ZNF420: variants seen among roughly 807,000 people sequenced by gnomAD.
ZNF420 encodes zinc finger protein 420.
ZNF420 carries 31 observed loss-of-function variants against 44.7 expected under a neutral mutation model. That is an observed-to-expected ratio of 0.69 (90% confidence interval 0.52 to 0.94). The LOEUF is 0.94. Among genes scored for constraint, ZNF420 ranks in the 40% least tolerant of loss-of-function variants. The pLI is 0.00. For missense variants in ZNF420, 681 were observed against 827.9 expected, an observed-to-expected ratio of 0.82 and a Z score of 2.18; for synonymous variants, 245 against 267.4, an observed-to-expected ratio of 0.92 and a Z score of 0.82.
At chr19:37,033,640 A>T (rs1967302473) in intron 1 of ZNF420, among the ~76,000 whole-genome samples, 1 of 152,198 alleles carries the variant, frequency 6.6e-6, no homozygotes, top group South Asian at 2.1e-4. Context: ...ATCATGAATG[A>T]TGTTGCTATA....
chr19:37,045,320 T>TA (rs1967524615), intron 1 of ZNF420, among the ~76,000 whole-genome samples: 1 of 152,222 alleles, frequency 6.6e-6, no homozygotes, highest in African/African-American at 2.4e-5. Context: ...GGGAAAAGAA[T>TA]AAAGTGATGA....
At chr19:37,105,208 T>C (rs1160920470) in intron 4 of ZNF420, among the ~76,000 whole-genome samples, 1 of 152,250 alleles carries the variant, frequency 6.6e-6, no homozygotes. Context: ...GTTTCAGCTT[T>C]CTACATATGG....
Position 37,128,675 on chromosome 19 carries a change from A to G in ZNF420, c.1684A>G (p.Lys562Glu). Residue 562 changes from lysine to glutamate, a missense_variant, in exon 5 of 5, where the codon AAG becomes GAG. Around this residue, in one of 3 missense-constraint regions of ZNF420, gnomAD observed 280 missense variants for 338.6 expected, o/e 0.83. Transcript: ENST00000337995. ...TACTGGTGAGAAACCATATCAATGT[A>G]AGGAATGTGGGAAAGCCTTTATTCG... ...IHTGEKPYQC[K>E]ECGKAFIRGS... 6.2e-7 allele frequency: 1 copy of G among 1,614,150 alleles called. No individual in the cohort carries two copies. Among genetic ancestry groups the G allele is most frequent in the Non-Finnish European group, 8.5e-7 (1 of 1,179,992 alleles).
chr19:37,044,175 C>T (rs1333090302), intron 1 of ZNF420, among the ~76,000 whole-genome samples: 2 of 152,208 alleles, frequency 1.3e-5, no homozygotes, highest in Non-Finnish European at 2.9e-5. Context: ...TCTGCCACTT[C>T]TGACCTGGAG....
At chr19:37,015,872 C>G (rs947471128) in intron 1 of ZNF420, among the ~76,000 whole-genome samples, 1 of 152,222 alleles carries the variant, frequency 6.6e-6, no homozygotes, top group Non-Finnish European at 1.5e-5. Context: ...ATGGATTGAT[C>G]CTGCGCGGGC....
At chr19:37,123,597 G>GTTTT (rs1285859472) in intron 4 of ZNF420, among the ~76,000 whole-genome samples, 2 of 76,980 alleles carry the variant, frequency 2.6e-5, no homozygotes, top group South Asian at 3.6e-4. Context: ...TTTTACTCTT[G>GTTTT]TCTTTTTTTT....
intron 4 of ZNF420, among the ~76,000 whole-genome samples, chr19:37,105,925 T>A (rs934457893): frequency 2.6e-5 from 4 of 152,198 alleles, no homozygotes; most frequent in Admixed American, 2.0e-4. Context: ...CTTAAGGAGA[T>A]TTCGGGCAGA....
intron 1 of ZNF420, among the ~76,000 whole-genome samples, chr19:37,079,828 C>T (rs1404194524): frequency 6.6e-6 from 1 of 151,914 alleles, no homozygotes; most frequent in South Asian, 2.1e-4. Context: ...ACCATGACCT[C>T]TACTAAAAAT....
At chr19:37,126,013 C>T (rs73620816) in intron 4 of ZNF420, among the ~76,000 whole-genome samples, 2,937 of 152,290 alleles carry the variant, frequency 0.019, 79 homozygotes, top group East Asian at 0.05. Flanking sequence ...TTTCTAGAAT[C>T]ATAAGACTTC....
chr19:37,033,171 AAG>A (rs1967293840), intron 1 of ZNF420, among the ~76,000 whole-genome samples: 2 of 152,272 alleles, frequency 1.3e-5, no homozygotes, highest in African/African-American at 4.8e-5. Flanking sequence ...AATTTTGAAA[AAG>A]CTTTAATTTT....
intron 4 of ZNF420, among the ~76,000 whole-genome samples, chr19:37,100,451 A>C (rs1969704350): frequency 6.6e-6 from 1 of 152,072 alleles, no homozygotes; most frequent in Admixed American, 6.6e-5. Context: ...AGTGGCTCAC[A>C]CCTGTAATCC....
At chr19:37,024,569 CCT>C (rs767626279) in intron 1 of ZNF420, among the ~76,000 whole-genome samples, 87 of 152,200 alleles carry the variant, frequency 5.7e-4, no homozygotes, top group Non-Finnish European at 9.9e-4. Flanking sequence ...CCTGCCTCAG[CCT>C]CTCGAGTAGC....
intron 1 of ZNF420, among the ~76,000 whole-genome samples, chr19:37,049,345 G>T (rs1967597854): frequency 6.6e-6 from 1 of 152,122 alleles, no homozygotes; most frequent in African/African-American, 2.4e-5. Context: ...GTGTAAAAGT[G>T]TTCCTATTTC....
In ZNF420 at chr19:37,008,687, G is replaced by A. The variant is rs540602982; in HGVS notation, c.-125+605G>A. Among the ~76,000 whole-genome samples, 285 of 152,314 alleles carry A rather than the reference G, an allele frequency of 1.9e-3. 1 individual carries two copies. The highest frequency in any genetic ancestry group is 3.4e-3 in the Non-Finnish European group (233 of 68,032). ...AAGGATCCCTGTCACTGGAACACTG[G>A]CCTTTCTGGACAAGTCACCCGTTTG... is the stretch of plus-strand genomic sequence containing the variant. On this transcript the variant is annotated intron_variant, in intron 1 of 4. Transcript: ENST00000587029.
chr19:37,061,252 G>T (rs1967874996), intron 1 of ZNF420, among the ~76,000 whole-genome samples: 2 of 152,152 alleles, frequency 1.3e-5, no homozygotes, highest in African/African-American at 4.8e-5. Flanking sequence ...GTTTGCACGT[G>T]TCCTGCACTT....
chr19:37,119,156 A>G (rs1237516546), intron 4 of ZNF420, among the ~76,000 whole-genome samples: 1 of 151,858 alleles, frequency 6.6e-6, no homozygotes, highest in African/African-American at 2.4e-5. Context: ...CCCCAAATCA[A>G]CAGAATATAC....
intron 1 of ZNF420, chr19:37,025,363 CTGTTG>C (rs1967136239): frequency 5.9e-6 from 1 of 168,658 alleles, no homozygotes; most frequent in African/African-American, 2.4e-5. Context: ...TTAAAGTTAA[CTGTTG>C]TTGTTTTTTT....
At chr19:37,048,457 A>T (rs1599616093) in intron 1 of ZNF420, among the ~76,000 whole-genome samples, 1 of 152,348 alleles carries the variant, frequency 6.6e-6, no homozygotes, top group East Asian at 1.9e-4. Flanking sequence ...AAAGTACACT[A>T]TAGCCAGAAA....
chr19:37,064,555 C>T (rs1484910246), intron 1 of ZNF420, among the ~76,000 whole-genome samples: 2 of 152,016 alleles, frequency 1.3e-5, no homozygotes, highest in Admixed American at 1.3e-4. Flanking sequence ...AGATTTTTAT[C>T]AGAGGAAATA....
Sources: gnomAD v4.1 joint callset for allele counts (sites outside exome capture counted in the v4.1 genomes callset) on GRCh38, gnomAD v4.1.1 for gene constraint, gnomAD v4.1.1 regional missense constraint, MANE v1.5 for transcripts, NCBI Gene and HGNC (gene_info 2026-07-23, HGNC 2026-07-21) for gene names.